PRDM5: variants seen among roughly 807,000 people sequenced by gnomAD.
PRDM5 encodes PR domain zinc finger protein 5.
PRDM5 carries 56 observed loss-of-function variants against 81.2 expected under a neutral mutation model. The ratio of observed to expected loss-of-function variants is 0.69; its 90% CI spans 0.56 to 0.86. The LOEUF (loss-of-function observed/expected upper bound fraction) is 0.86, where lower values mean the gene tolerates loss of function less well. Among genes scored for constraint, PRDM5 ranks in the 40% least tolerant of loss-of-function variants. PRDM5 has a pLI of 0.00. For missense variants in PRDM5, 697 were observed against 770.1 expected (o/e 0.91, Z 1.12); for synonymous variants, 267 against 256.4 (o/e 1.04, Z -0.39).
intron 7 of PRDM5, among the ~76,000 whole-genome samples, chr4:120,814,321 T>C (rs1217761593): frequency 1.3e-5 from 2 of 152,198 alleles, no homozygotes; most frequent in African/African-American, 4.8e-5. Context: ...TGTCTTAACT[T>C]TCCTATTTAG....
intron 2 of PRDM5, among the ~76,000 whole-genome samples, chr4:120,858,559 G>A (rs887150649): frequency 5.3e-5 from 8 of 151,792 alleles, no homozygotes; most frequent in Non-Finnish European, 1.2e-4. Context: ...GCTTGTGTGT[G>A]CTTATGAACG....
At chr4:120,734,835 G>A (rs1366282819) in intron 14 of PRDM5, among the ~76,000 whole-genome samples, 1 of 152,130 alleles carries the variant, frequency 6.6e-6, no homozygotes, top group Non-Finnish European at 1.5e-5. Context: ...CCTATGCTGA[G>A]GTAAGTGATC....
At chr4:120,838,634 G>C (rs1448982109) in intron 3 of PRDM5, 2 of 152,194 alleles carry the variant, frequency 1.3e-5, no homozygotes, top group African/African-American at 4.8e-5. Context: ...CCAGGCATTA[G>C]CTAGATTCTC....
chr4:120,911,896 A>G (rs990049758), intron 1 of PRDM5, among the ~76,000 whole-genome samples: 3 of 152,204 alleles, frequency 2.0e-5, no homozygotes, highest in African/African-American at 4.8e-5. Context: ...TTAGAGGATA[A>G]TAAGTTATTA....
intron 11 of PRDM5, among the ~76,000 whole-genome samples, chr4:120,784,343 C>T (rs183078309): frequency 6.6e-6 from 1 of 152,142 alleles, no homozygotes; most frequent in East Asian, 1.9e-4. Context: ...AAATCTGAGA[C>T]AGTAGCAAGT....
chr4:120,888,128 T>C (rs780765788), intron 2 of PRDM5, among the ~76,000 whole-genome samples: 10 of 152,226 alleles, frequency 6.6e-5, no homozygotes, highest in Non-Finnish European at 1.2e-4. Context: ...CTTATTATTT[T>C]AACTAAACTT....
At chr4:120,738,367 T>C (rs1382813459) in intron 14 of PRDM5, among the ~76,000 whole-genome samples, 1 of 152,234 alleles carries the variant, frequency 6.6e-6, no homozygotes, top group Admixed American at 6.5e-5. Context: ...CTATTCACTT[T>C]AGCCATCCTA....
intron 8 of PRDM5, among the ~76,000 whole-genome samples, chr4:120,803,439 T>G (rs1054689583): frequency 6.6e-6 from 1 of 152,080 alleles, no homozygotes; most frequent in Non-Finnish European, 1.5e-5. Flanking sequence ...GGAAAAAATG[T>G]TAAGGGCAGC....
chr4:120,721,603 C>T (rs1738617132), intron 14 of PRDM5, among the ~76,000 whole-genome samples: 1 of 148,260 alleles, frequency 6.7e-6, no homozygotes, highest in African/African-American at 2.5e-5. Context: ...TGGCAAAGTG[C>T]TAAGAAATTT....
chr4:120,841,174 T>C (rs914007360), intron 3 of PRDM5, among the ~76,000 whole-genome samples: 1 of 152,206 alleles, frequency 6.6e-6, no homozygotes, highest in African/African-American at 2.4e-5. Context: ...TTTTGTGACA[T>C]AGTAGACTTC....
At chr4:120,788,429 T>C (rs971693886) in intron 10 of PRDM5, among the ~76,000 whole-genome samples, 1 of 152,174 alleles carries the variant, frequency 6.6e-6, no homozygotes, top group Non-Finnish European at 1.5e-5. Context: ...AAGACAGTGA[T>C]ATTTGACAGA....
intron 12 of PRDM5, among the ~76,000 whole-genome samples, chr4:120,780,262 T>C (rs560001999): frequency 3.4e-4 from 52 of 151,858 alleles, no homozygotes; most frequent in African/African-American, 1.2e-3. Flanking sequence ...CTGGGCAACA[T>C]AGCAAGACCC....
chr4:120,889,533 T>G (rs1039614754), intron 2 of PRDM5, among the ~76,000 whole-genome samples: 1 of 152,144 alleles, frequency 6.6e-6, no homozygotes, highest in African/African-American at 2.4e-5. Context: ...GCAAAAAAAA[T>G]TAATAAAAAT....
At chr4:120,732,486 C>T (rs925674208) in intron 14 of PRDM5, among the ~76,000 whole-genome samples, 9 of 151,940 alleles carry the variant, frequency 5.9e-5, no homozygotes, top group Non-Finnish European at 1.3e-4. Context: ...ATATAAATTC[C>T]TAACAAGTAA....
chr4:120,772,781 A>T (rs1747485399), intron 13 of PRDM5, among the ~76,000 whole-genome samples: 1 of 152,128 alleles, frequency 6.6e-6, no homozygotes, highest in African/African-American at 2.4e-5. Context: ...AATCACCAAG[A>T]CTCTTTACAA....
chr4:120,869,270 A>G (rs183375084), intron 2 of PRDM5, among the ~76,000 whole-genome samples: 1 of 152,200 alleles, frequency 6.6e-6, no homozygotes, highest in Non-Finnish European at 1.5e-5. Context: ...AAGTCCATGA[A>G]CATTAATCTT....
intron 15 of PRDM5, among the ~76,000 whole-genome samples, chr4:120,707,087 T>A (rs1736280005): frequency 6.6e-6 from 1 of 151,942 alleles, no homozygotes; most frequent in Non-Finnish European, 1.5e-5. Flanking sequence ...ATTAACTTAA[T>A]AATAAAGTCA....
intron 13 of PRDM5, among the ~76,000 whole-genome samples, chr4:120,758,046 G>A (rs999184096): frequency 1.3e-5 from 2 of 152,008 alleles, no homozygotes; most frequent in Admixed American, 6.6e-5. Flanking sequence ...CTGGTTTTCA[G>A]GCCTTTGCTC....
intron 3 of PRDM5, among the ~76,000 whole-genome samples, chr4:120,848,555 T>C (rs1402976886): frequency 6.6e-6 from 1 of 152,142 alleles, no homozygotes; most frequent in Admixed American, 6.6e-5. Flanking sequence ...TCACAGTAAA[T>C]AGTTAATAAA....
Sources: allele counts gnomAD v4.1 joint callset (sites outside exome capture counted in the v4.1 genomes callset), GRCh38; gene constraint gnomAD v4.1.1; transcripts MANE v1.5; gene names NCBI Gene and HGNC (gene_info 2026-07-23, HGNC 2026-07-21).